TOX: variants seen among roughly 807,000 people sequenced by gnomAD.
TOX encodes thymocyte selection associated high mobility group box.
A neutral mutation model predicts 53.7 loss-of-function variants in TOX; 11 were observed. The ratio of observed to expected loss-of-function variants is 0.20; its 90% confidence interval spans 0.13 to 0.34. The LOEUF (loss-of-function observed/expected upper bound fraction) is 0.34, where lower values mean the gene tolerates loss of function less well. Ranked by LOEUF, TOX falls within the 10% of genes least tolerant of loss-of-function variation. The pLI is 1.00. For synonymous variants in TOX, 225 were observed against 245.3 expected (o/e 0.92, Z 0.77); for missense variants, 570 against 664.6 (o/e 0.86, Z 1.56).
chr8:58,941,924 A>T (rs1165897171), intron 2 of TOX, among the ~76,000 whole-genome samples: 1 of 151,902 alleles, frequency 6.6e-6, no homozygotes, highest in Non-Finnish European at 1.5e-5. Flanking sequence ...GTGGTGGCGC[A>T]TGCCTGTAGT....
intron 1 of TOX, among the ~76,000 whole-genome samples, chr8:59,062,691 T>G (rs1240446145): frequency 6.6e-6 from 1 of 152,180 alleles, no homozygotes; most frequent in Non-Finnish European, 1.5e-5. Flanking sequence ...CTCAATCCTT[T>G]ACTCCTTACT....
chr8:59,019,609 T>C (rs1286284953), intron 1 of TOX, among the ~76,000 whole-genome samples: 1 of 152,146 alleles, frequency 6.6e-6, no homozygotes, highest in Non-Finnish European at 1.5e-5. Context: ...ATATTAAGAA[T>C]ATATTTGTAA....
At chr8:59,002,592 A>AAAC (rs1283782758) in intron 1 of TOX, among the ~76,000 whole-genome samples, 2 of 126,644 alleles carry the variant, frequency 1.6e-5, no homozygotes, top group African/African-American at 5.3e-5. Flanking sequence ...CTCCGTCTCA[A>AAAC]AACAACAACA....
At chr8:58,950,636 C>T (rs901659938) in intron 2 of TOX, among the ~76,000 whole-genome samples, 4 of 152,164 alleles carry the variant, frequency 2.6e-5, no homozygotes, top group South Asian at 2.1e-4. Flanking sequence ...AGTTTAATGA[C>T]GATAAGAACC....
chr8:59,037,839 T>A (rs558227686), intron 1 of TOX, among the ~76,000 whole-genome samples: 80 of 152,038 alleles, frequency 5.3e-4, no homozygotes, highest in African/African-American at 1.8e-3. Flanking sequence ...CTTTTTCTTC[T>A]TCAGCTATTA....
intron 3 of TOX, among the ~76,000 whole-genome samples, chr8:58,932,617 T>C (rs1248849031): frequency 6.6e-6 from 1 of 152,186 alleles, no homozygotes; most frequent in African/African-American, 2.4e-5. Flanking sequence ...AGCAATCAAA[T>C]TGTCTGTAAT....
At chr8:58,888,004 T>C (rs1313458138) in intron 3 of TOX, among the ~76,000 whole-genome samples, 1 of 152,094 alleles carries the variant, frequency 6.6e-6, no homozygotes, top group Non-Finnish European at 1.5e-5. Flanking sequence ...CCAGGCTATA[T>C]AGTGTAGCCT....
At chr8:59,018,695 A>G (rs368221953) in intron 1 of TOX, among the ~76,000 whole-genome samples, 22 of 152,252 alleles carry the variant, frequency 1.4e-4, no homozygotes, top group African/African-American at 5.3e-4. Context: ...CTTGAGGCTT[A>G]CTGTGGACTC....
At chr8:59,114,852 A>G (rs1336931499) in intron 1 of TOX, among the ~76,000 whole-genome samples, 1 of 152,214 alleles carries the variant, frequency 6.6e-6, no homozygotes, top group Non-Finnish European at 1.5e-5. Context: ...ATACATTTTA[A>G]ATAGAAAATA....
intron 3 of TOX, among the ~76,000 whole-genome samples, chr8:58,922,976 A>G (rs894261540): frequency 6.6e-6 from 1 of 152,120 alleles, no homozygotes; most frequent in Non-Finnish European, 1.5e-5. Context: ...CGCAAAGGTC[A>G]TCCGGTGGGA....
rs578060505 is a variant in TOX, at chr8:59,037,851, C to T, written c.103-77843G>A. ...GTACTTTTTCTTCTTCAGCTATTAT[C>T]CAAACAAGCCACCCTTCCTTTCTTA... On this transcript the variant is annotated intron_variant, in intron 1 of 8. Transcript: ENST00000361421. Among the ~76,000 whole-genome samples, 4 of 151,094 alleles carry T rather than the reference C, an allele frequency of 2.6e-5. No homozygotes were observed. In the South Asian group the frequency reaches 8.4e-4, roughly 32 times the overall value.
In TOX at chr8:58,959,836, T is replaced by C. The variant is rs1272984875; in HGVS notation, c.168+107A>G. On this transcript the variant is annotated intron_variant, in intron 2 of 8. Coordinates refer to ENST00000361421, the MANE Select transcript of TOX (RefSeq NM_014729.3). ...AAATGCTTTGTTTATAAATTATGAT[T>C]ATTCCTGATTGCGGCAGTTACTGAT... 3 of 1,164,492 alleles carry C rather than the reference T, an allele frequency of 2.6e-6. No homozygotes were observed. The East Asian group carries it at 7.3e-5, about 28-fold the overall frequency. 72.1% of individuals were successfully genotyped at this position (1,164,492 alleles called of 1,614,324 possible).
chr8:58,964,778 T>TA (rs1320794351), intron 1 of TOX, among the ~76,000 whole-genome samples: 1 of 151,994 alleles, frequency 6.6e-6, no homozygotes, highest in African/African-American at 2.4e-5. Context: ...CCAACACTCA[T>TA]AAAAAATGAG....
rs575704112 is a variant in TOX at position 58,943,601 on chromosome 8, CTT to C, written c.169-4059_169-4058del. Among the ~76,000 whole-genome samples, 556 of 139,980 alleles carry C rather than the reference CTT, an allele frequency of 4.0e-3. 1 individual carries two copies. Among genetic ancestry groups the C allele is most frequent in the Admixed American group, 7.2e-3 (101 of 13,938 alleles). 91.8% of individuals were successfully genotyped at this position (139,980 alleles called of 152,430 possible). A position where few individuals can be genotyped will look rare whatever the true frequency, so the allele number is the denominator to read the frequency against. ...AGATGCCCAGGAGACAAGAGGACTA[CTT>C]TTTTTTTTTTCTAAAAAAAAAAAAA... is the stretch of plus-strand genomic sequence containing the variant. On this transcript the variant is annotated intron_variant, in intron 2 of 8. Transcript: ENST00000361421.
At chr8:59,054,858 A>G (rs1200512165) in intron 1 of TOX, among the ~76,000 whole-genome samples, 3 of 148,646 alleles carry the variant, frequency 2.0e-5, no homozygotes, top group Admixed American at 6.9e-5. Context: ...AAAAAAAGAG[A>G]GAGAAAGAGA....
In TOX at chr8:59,097,872, C is replaced by G. The variant is rs193221411; in HGVS notation, c.102+21014G>C. On this transcript the variant is annotated intron_variant, in intron 1 of 8. Transcript: ENST00000361421. ...TACTACTTTAACAAGTGGTTGTCAACTAGTGTGTCAAAGCATATTTTTGTT... is the reference window on the plus strand; with the variant it reads ...TACTACTTTAACAAGTGGTTGTCAAGTAGTGTGTCAAAGCATATTTTTGTT... Among the ~76,000 whole-genome samples, 12 of 152,262 alleles carry G rather than the reference C, an allele frequency of 7.9e-5. No homozygotes were observed. The East Asian group carries it at 2.1e-3, about 27-fold the overall frequency.
Position 59,011,276 on chromosome 8 carries a change from A to T in TOX, c.103-51268T>A, listed in dbSNP as rs886358954. 5.3e-5 allele frequency among the ~76,000 whole-genome samples: 8 copies of T among 152,198 alleles called. No homozygotes were observed. The East Asian group carries it at 5.8e-4, about 11-fold the overall frequency. On this transcript the variant is annotated intron_variant, in intron 1 of 8. Transcript: ENST00000361421. Reference sequence around the variant, plus strand: ...CATCAAAACCTCTTTCTCTTGGAGGAAAATCCTATTTATTTCTACTCTATC... The same window carrying T: ...CATCAAAACCTCTTTCTCTTGGAGGTAAATCCTATTTATTTCTACTCTATC...
intron 1 of TOX, among the ~76,000 whole-genome samples, chr8:59,029,150 C>G (rs754620044): frequency 3.3e-5 from 5 of 152,008 alleles, no homozygotes; most frequent in Non-Finnish European, 7.4e-5. Context: ...GCAAAAATGA[C>G]TTCAGTCTAT....
At chr8:58,879,907 C>T in intron 3 of TOX, among the ~76,000 whole-genome samples, 1 of 152,148 alleles carries the variant, frequency 6.6e-6, no homozygotes, top group African/African-American at 2.4e-5. Context: ...TGGTACAACC[C>T]ATTTTTAATA....
Sources: gnomAD v4.1 joint callset for allele counts (sites outside exome capture counted in the v4.1 genomes callset) on GRCh38, gnomAD v4.1.1 for gene constraint, MANE v1.5 for transcripts, NCBI Gene and HGNC (gene_info 2026-07-23, HGNC 2026-07-21) for gene names.